The following CRACD variants were observed in gnomAD, a reference collection of about 807,000 sequenced individuals.
CRACD encodes capping protein inhibiting regulator of actin dynamics.
A neutral mutation model predicts 106.8 loss-of-function variants in CRACD; 56 were observed. The observed-to-expected ratio is 0.52, with a 90% CI of 0.42 to 0.66. The LOEUF (loss-of-function observed/expected upper bound fraction) is 0.66. CRACD is among the 30% of genes least tolerant of loss of function. The probability of loss-of-function intolerance (pLI) is 0.00; values close to 1 mark genes in which losing one functional copy is unlikely to be tolerated. For missense variants in CRACD, 1,730 were observed against 1,623.2 expected (o/e 1.07, Z -1.13); for synonymous variants, 754 against 670.8 (o/e 1.12, Z -1.92).
intron 2 of CRACD, among the ~76,000 whole-genome samples, chr4:56,241,865 T>C (rs1740386679): frequency 6.6e-6 from 1 of 152,180 alleles, no homozygotes; most frequent in Admixed American, 6.5e-5. Flanking sequence ...AAGGGCGTGT[T>C]CTATGTACAT....
chr4:56,130,257 C>G (rs747291005), intron 1 of CRACD, among the ~76,000 whole-genome samples: 4 of 151,986 alleles, frequency 2.6e-5, no homozygotes, highest in Non-Finnish European at 5.9e-5. Context: ...GAGCAAAACC[C>G]TGTCTCAAAA....
intron 2 of CRACD, among the ~76,000 whole-genome samples, chr4:56,198,547 TAGA>T (rs1395749515): frequency 6.6e-6 from 1 of 152,190 alleles, no homozygotes; most frequent in Non-Finnish European, 1.5e-5. Context: ...TGTGAAGAAG[TAGA>T]AGCATAAAAC....
intron 1 of CRACD, among the ~76,000 whole-genome samples, chr4:56,100,631 G>A (rs1417299717): frequency 2.0e-5 from 3 of 152,110 alleles, no homozygotes; most frequent in Non-Finnish European, 4.4e-5. Flanking sequence ...AGTGAAAGTG[G>A]GATTATAAGA....
intron 1 of CRACD, among the ~76,000 whole-genome samples, chr4:56,151,734 C>A (rs1047676880): frequency 1.3e-5 from 2 of 152,068 alleles, no homozygotes; most frequent in Admixed American, 1.3e-4. Flanking sequence ...TGGAACCATT[C>A]CTCAACCCTT....
chr4:56,263,470 G>C (rs900965791), intron 2 of CRACD, among the ~76,000 whole-genome samples: 2 of 152,136 alleles, frequency 1.3e-5, no homozygotes, highest in African/African-American at 4.8e-5. Context: ...TGGCAGCAAT[G>C]ATTCCTTCTG....
chr4:56,304,817 G>T (rs990400333), intron 4 of CRACD, among the ~76,000 whole-genome samples: 1 of 152,054 alleles, frequency 6.6e-6, no homozygotes, highest in Non-Finnish European at 1.5e-5. Flanking sequence ...AATTTAAAAT[G>T]AAGTAAAGTT....
chr4:56,282,481 G>A (rs556877527), intron 3 of CRACD, among the ~76,000 whole-genome samples: 1 of 152,298 alleles, frequency 6.6e-6, no homozygotes, highest in African/African-American at 2.4e-5. Context: ...AGCTGTATCA[G>A]GTAGGATGAT....
At chr4:56,089,301 C>A (rs950663982) in intron 1 of CRACD, among the ~76,000 whole-genome samples, 1 of 152,108 alleles carries the variant, frequency 6.6e-6, no homozygotes, top group Non-Finnish European at 1.5e-5. Flanking sequence ...GCTGTAAACA[C>A]GATGCTGTCC....
intron 1 of CRACD, among the ~76,000 whole-genome samples, chr4:56,060,699 T>C (rs1394323575): frequency 6.6e-6 from 1 of 152,084 alleles, no homozygotes; most frequent in Non-Finnish European, 1.5e-5. Context: ...AATTCATATG[T>C]TGAAATCCTA....
At position 56,328,526 on chromosome 4, in the gene CRACD, T is replaced by G; in HGVS notation, c.*722T>G. 2 of 426,938 alleles carry G rather than the reference T, an allele frequency of 4.7e-6. No individual in the cohort carries two copies. The highest frequency in any genetic ancestry group is 9.2e-6 in the Non-Finnish European group (2 of 217,702). 26.4% of individuals were successfully genotyped at this position (426,938 alleles called of 1,614,324 possible). A position where few individuals can be genotyped will look rare whatever the true frequency, so the allele number is the denominator to read the frequency against. The stretch of plus-strand genomic sequence containing the variant: ...GTTGGCTCCCAGGGAACATTTTAAT[T>G]TAATGTAGTGAAGAAAGACAATTCT... On this transcript the variant is annotated 3_prime_UTR_variant, in exon 11 of 11. Coordinates refer to ENST00000682029, the MANE Select transcript of CRACD (RefSeq NM_001393381.1).
intron 2 of CRACD, among the ~76,000 whole-genome samples, chr4:56,181,060 C>G (rs1273308294): frequency 6.6e-6 from 1 of 152,072 alleles, no homozygotes; most frequent in Admixed American, 6.5e-5. Flanking sequence ...GATGTTTGTT[C>G]ACATCAGTGC....
chr4:56,150,468 G>A (rs904643145), intron 1 of CRACD, among the ~76,000 whole-genome samples: 1 of 152,106 alleles, frequency 6.6e-6, no homozygotes, highest in Non-Finnish European at 1.5e-5. Flanking sequence ...GAGCCCTCAT[G>A]GAGCCACTAC....
chr4:56,323,622 TCAGTCACAAGGATA>T, intron 9 of CRACD, 55 bp downstream of exon 9: 1 of 1,447,142 alleles, frequency 6.9e-7, no homozygotes. Context: ...GGTTCTCTTT[TCAGTCACAAGGATA>T]CAAAACAAAA....
intron 2 of CRACD, among the ~76,000 whole-genome samples, chr4:56,224,319 T>A (rs1739189494): frequency 6.6e-6 from 1 of 152,210 alleles, no homozygotes; most frequent in South Asian, 2.1e-4. Flanking sequence ...TTCTATTAAG[T>A]TTACATCTAG....
At chr4:56,053,678 G>A (rs1464951949) in intron 1 of CRACD, among the ~76,000 whole-genome samples, 1 of 152,132 alleles carries the variant, frequency 6.6e-6, no homozygotes, top group East Asian at 1.9e-4. Flanking sequence ...GGATACTCCT[G>A]TGTGCATGAG....
At chr4:56,055,940 A>G (rs1732043917) in intron 1 of CRACD, among the ~76,000 whole-genome samples, 1 of 152,212 alleles carries the variant, frequency 6.6e-6, no homozygotes, top group Non-Finnish European at 1.5e-5. Flanking sequence ...GTAATTAGAG[A>G]AACAATTCCA....
Position 56,142,837 on chromosome 4 carries a change from C to T in CRACD, c.-335-36447C>T, listed in dbSNP as rs1336334874. On this transcript the variant is annotated intron_variant, in intron 1 of 10. Transcript: ENST00000682029. ...ATTTAAAAGTCCAAAAATTCCTACA[C>T]TAAATCTCAATAATTTTTAGATCTA... 2.0e-5 allele frequency among the ~76,000 whole-genome samples: 3 copies of T among 152,052 alleles called. No individual in the cohort carries two copies. The South Asian group carries it at 6.2e-4, about 31-fold the overall frequency.
intron 2 of CRACD, among the ~76,000 whole-genome samples, chr4:56,266,629 A>G (rs1229208117): frequency 6.6e-6 from 1 of 152,216 alleles, no homozygotes; most frequent in African/African-American, 2.4e-5. Flanking sequence ...CATTGTTAAA[A>G]TTGCTTCTAT....
intron 1 of CRACD, among the ~76,000 whole-genome samples, chr4:56,169,423 C>T (rs1251733450): frequency 6.6e-6 from 1 of 152,130 alleles, no homozygotes; most frequent in African/African-American, 2.4e-5. Context: ...CGTTTACCTC[C>T]CATGCCCAGA....
Sources: gnomAD v4.1 joint callset for allele counts (sites outside exome capture counted in the v4.1 genomes callset) on GRCh38, gnomAD v4.1.1 for gene constraint, MANE v1.5 for transcripts, NCBI Gene and HGNC (gene_info 2026-07-23, HGNC 2026-07-21) for gene names.